The following CEP164 variants were observed in gnomAD, a reference collection of about 807,000 sequenced individuals.
CEP164 encodes centrosomal protein 164, also known as centrosomal protein of 164 kDa.
CEP164 carries 162 observed loss-of-function variants against 182.7 expected under a neutral mutation model. That is an observed-to-expected ratio of 0.89 (90% CI 0.78 to 1.01). CEP164 has a LOEUF of 1.01. CEP164 is among the 50% of genes least tolerant of loss of function. The pLI, the probability that CEP164 is intolerant of heterozygous loss-of-function variation, is 0.00. For missense variants in CEP164, 1,735 were observed against 1,790.4 expected (o/e 0.97, Z 0.56); for synonymous variants, 661 against 690.0 (o/e 0.96, Z 0.66).
chr11:117,360,784 C>T (rs917886516), intron 5 of CEP164, among the ~76,000 whole-genome samples: 1 of 152,158 alleles, frequency 6.6e-6, no homozygotes, highest in Non-Finnish European at 1.5e-5. Context: ...TCAAAGGCAA[C>T]CATTCTGTTG....
intron 14 of CEP164, among the ~76,000 whole-genome samples, chr11:117,383,990 C>T (rs1228995298): frequency 6.6e-6 from 1 of 152,084 alleles, no homozygotes; most frequent in Non-Finnish European, 1.5e-5. Flanking sequence ...GAGCCGAGAT[C>T]GTGCCACTGT....
At chr11:117,363,546 G>T in intron 8 of CEP164, 40 bp downstream of exon 8, 1 of 1,410,694 alleles carries the variant, frequency 7.1e-7, no homozygotes, top group African/African-American at 1.4e-5. Flanking sequence ...TGTCAGCCTG[G>T]CATATCCCTC....
At chr11:117,388,334 T>G (rs1334071974) in intron 15 of CEP164, among the ~76,000 whole-genome samples, 1 of 152,248 alleles carries the variant, frequency 6.6e-6, no homozygotes, top group Non-Finnish European at 1.5e-5. Context: ...ACATAGCAGT[T>G]GCTGAACAAA....
In CEP164 at chr11:117,344,323, A is replaced by G. The variant is rs372268860; in HGVS notation, c.194+46A>G. On this transcript the variant is annotated intron_variant, in intron 4 of 32. Coordinates refer to ENST00000278935, the MANE Select transcript of CEP164 (RefSeq NM_014956.5). ...GCCACTGACTTGGCCTAGCAGAGGCAGAGGGAAGCTAATACTGGAGATCGG... is the reference window on the plus strand; with the variant it reads ...GCCACTGACTTGGCCTAGCAGAGGCGGAGGGAAGCTAATACTGGAGATCGG... The G allele has an allele frequency of 2.3e-6, 3 of 1,319,776 alleles. No individual in the cohort carries two copies. In the African/African-American group the frequency reaches 4.4e-5, roughly 19 times the overall value. The allele number at this position is 1,319,776 out of a possible 1,614,324, so 81.8% of individuals were successfully genotyped here.
Position 117,375,790 on chromosome 11 carries a change from A to C in CEP164, c.1316A>C (p.Gln439Pro), listed in dbSNP as rs143370558. The change falls in exon 11 of 33, where the codon CAG becomes CCG. Residue 439 changes from glutamine (Q) to proline (P), a missense_variant and splice_region_variant. Gln to Pro is a moderately conservative substitution (Grantham distance 76). Transcript: ENST00000278935. ...LSPVLGGACR[Q>P]AQQPLGIEDK... ...CCAGTCCTGGGTGGAGCTTGTCGGC[A>C]GGTGAGTTTCTGTGGGTGGTGGGCT... 6.2e-7 allele frequency: 1 copy of C among 1,614,024 alleles called. No individual in the cohort carries two copies. The highest frequency in any genetic ancestry group is 8.5e-7 in the Non-Finnish European group (1 of 1,179,972).
intron 5 of CEP164, among the ~76,000 whole-genome samples, chr11:117,353,528 G>C (rs993442881): frequency 6.6e-6 from 1 of 152,204 alleles, no homozygotes; most frequent in Admixed American, 6.5e-5. Flanking sequence ...GTTCTGGGGT[G>C]GAGAGCTGGG....
chr11:117,331,750 A>ATTT (rs34206351), intron 1 of CEP164, among the ~76,000 whole-genome samples: 1 of 142,042 alleles, frequency 7.0e-6, no homozygotes, highest in Non-Finnish European at 1.5e-5. Context: ...TTGCTGGTGT[A>ATTT]TTTTTTTTTT....
chr11:117,355,343 G>A, intron 5 of CEP164: 1 of 1,289,814 alleles, frequency 7.8e-7, no homozygotes, highest in Non-Finnish European at 1.0e-6. Flanking sequence ...GCAGAAACTG[G>A]GCACTCCAGC....
chr11:117,392,324 C>A, intron 18 of CEP164, 21 bp downstream of exon 18: 1 of 1,604,050 alleles, frequency 6.2e-7, no homozygotes. Context: ...GCATCCTGGG[C>A]CCCCTTCATG....
chr11:117,332,284 AG>A (rs1278425028), intron 1 of CEP164, among the ~76,000 whole-genome samples: 1 of 152,146 alleles, frequency 6.6e-6, no homozygotes, highest in Non-Finnish European at 1.5e-5. Flanking sequence ...TCATAAAAAA[AG>A]TAATATTGGC....
At chr11:117,412,022 C>T (rs757597603) in intron 32 of CEP164, 50 bp from the exon 33 acceptor site, 56 of 1,611,708 alleles carry the variant, frequency 3.5e-5, no homozygotes, top group Non-Finnish European at 4.6e-5. Flanking sequence ...TTTCATGGCC[C>T]CTGCCTGGCT....
intron 4 of CEP164, among the ~76,000 whole-genome samples, chr11:117,351,434 C>T (rs548220557): frequency 2.0e-5 from 3 of 152,266 alleles, no homozygotes; most frequent in Admixed American, 6.5e-5. Context: ...GTTCAACATA[C>T]CATAGTTTTT....
In CEP164 at chr11:117,411,051, G is replaced by A; in HGVS notation, c.4163+157G>A. On this transcript the variant is annotated intron_variant, in intron 31 of 32. Coordinates refer to ENST00000278935, the MANE Select transcript of CEP164 (RefSeq NM_014956.5). The surrounding 1 kb of genome is among the most constrained non-coding windows in gnomAD (Gnocchi z 4.4). ...TCCACAGAGCTGTCCCCGCTTGCCT[G>A]GGTCTGAGGCGCCCCTCCATGACCA... is the stretch of plus-strand genomic sequence containing the variant. The A allele has an allele frequency of 1.5e-6, 1 of 651,136 alleles. No homozygotes were observed. The highest frequency in any genetic ancestry group is 1.9e-5 in the South Asian group (1 of 53,542). 40.3% of individuals were successfully genotyped at this position (651,136 alleles called of 1,614,324 possible). A position where few individuals can be genotyped will look rare whatever the true frequency, so the allele number is the denominator to read the frequency against.
rs1201196941 is a variant in CEP164, at chr11:117,355,095, C to CTCCTTTGTT, written c.393+3110_393+3111insTTTGTTTCC. 4 of 1,289,832 alleles carry CTCCTTTGTT rather than the reference C, an allele frequency of 3.1e-6. No individual in the cohort carries two copies. The South Asian group carries it at 4.9e-5, about 16-fold the overall frequency. The allele number at this position is 1,289,832 out of a possible 1,614,324, so 79.9% of individuals were successfully genotyped here. The stretch of plus-strand genomic sequence containing the variant: ...AAGAGCCCAGGCATGCTGGGTGACA[C>CTCCTTTGTT]TCCCTGGCGTTTCATGGGTGCCCTT... On this transcript the variant is annotated intron_variant, in intron 5 of 32. Coordinates refer to ENST00000278935, the MANE Select transcript of CEP164 (RefSeq NM_014956.5).
In CEP164 at chr11:117,394,602, A is replaced by G; in HGVS notation, c.2760+109A>G. ...CAGGATGCAGCCTGACAGCTTCTGG[A>G]GTGAGAGTCTCTCACTGGCCATCTC... On this transcript the variant is annotated intron_variant, in intron 21 of 32. Coordinates refer to ENST00000278935, the MANE Select transcript of CEP164 (RefSeq NM_014956.5). The surrounding 1 kb of genome is among the most constrained non-coding windows in gnomAD (Gnocchi z 4.0). The G allele has an allele frequency of 1.4e-6, 2 of 1,410,214 alleles. No homozygotes were observed. Among genetic ancestry groups the G allele is most frequent in the Non-Finnish European group, 9.6e-7 (1 of 1,046,072 alleles). 87.4% of individuals were successfully genotyped at this position (1,410,214 alleles called of 1,614,324 possible). A position where few individuals can be genotyped will look rare whatever the true frequency, so the allele number is the denominator to read the frequency against.
intron 3 of CEP164, among the ~76,000 whole-genome samples, chr11:117,343,766 G>T (rs1271455483): frequency 6.6e-6 from 1 of 151,914 alleles, no homozygotes; most frequent in African/African-American, 2.4e-5. Context: ...GAGTAGCTGG[G>T]ATTACAGATG....
rs955282504 is a variant in CEP164, at chr11:117,405,912, G to A, written c.3502-2013G>A. 2.7e-4 allele frequency among the ~76,000 whole-genome samples: 41 copies of A among 152,242 alleles called. 1 individual carries two copies. The highest frequency in any genetic ancestry group is 9.4e-4 in the African/African-American group (39 of 41,522). ...CTCCATCTGAGACCACCTCAGCCTG[G>A]ACCTTATTGTTCATATCACTATCAG... On this transcript the variant is annotated intron_variant, in intron 27 of 32. Transcript: ENST00000278935.
At chr11:117,356,121 C>CTCAGTCA in intron 5 of CEP164, 1 of 1,043,422 alleles carries the variant, frequency 9.6e-7, no homozygotes, top group Non-Finnish European at 1.2e-6. Flanking sequence ...GAGGGTATGG[C>CTCAGTCA]TCAGTCAGAC....
chr11:117,387,336 C>T lies in CEP164; in HGVS notation c.1858C>T (p.Gln620Ter), dbSNP rs2044085119. 6.2e-7 allele frequency: 1 copy of T among 1,614,192 alleles called. No individual in the cohort carries two copies. Among genetic ancestry groups the T allele is most frequent in the Non-Finnish European group, 8.5e-7 (1 of 1,180,046 alleles). Residue 620 changes from glutamine to a stop codon, truncating the protein, a stop_gained, in exon 15 of 33, where the codon CAA becomes TAA. Coordinates refer to ENST00000278935, the MANE Select transcript of CEP164 (RefSeq NM_014956.5). LOFTEE classifies it high-confidence loss of function. ...LLESKQEKMQQLREKLCQEEE... is the reference protein window; with the variant it reads ...LLESKQEKMQ The stretch of plus-strand genomic sequence containing the variant: ...GGAATCCAAGCAAGAGAAGATGCAG[C>T]AACTGCGGGAGAAGCTGTGCCAAGA...
Sources: allele counts gnomAD v4.1 joint callset (sites outside exome capture counted in the v4.1 genomes callset), GRCh38; gene constraint gnomAD v4.1.1; non-coding constraint Gnocchi (gnomAD v3.1); transcripts MANE v1.5; gene names NCBI Gene and HGNC (gene_info 2026-07-23, HGNC 2026-07-21).